ARHGEF10: variants seen among roughly 807,000 people sequenced by gnomAD.
ARHGEF10 encodes the protein Rho guanine nucleotide exchange factor 10, also known as Rho guanine nucleotide exchange factor (GEF) 10.
In ARHGEF10, 140 loss-of-function variants were observed where a neutral mutation model predicts 147.4. That is an observed-to-expected ratio of 0.95 (90% CI 0.83 to 1.09). ARHGEF10 has a LOEUF of 1.09. Ranked by LOEUF, ARHGEF10 falls within the 50% of genes least tolerant of loss-of-function variation. The pLI, the probability that ARHGEF10 is intolerant of heterozygous loss-of-function variation, is 0.00. For missense variants in ARHGEF10, 2,222 were observed against 1,752.7 expected, an observed-to-expected ratio of 1.27 and a Z score of -4.78; for synonymous variants, 902 against 695.8, an observed-to-expected ratio of 1.30 and a Z score of -4.67.
intron 22 of ARHGEF10, 117 bp downstream of exon 22, chr8:1,925,521 A>T: frequency 7.2e-7 from 1 of 1,398,596 alleles, no homozygotes; most frequent in Non-Finnish European, 9.8e-7. Flanking sequence ...CAGGTTCACC[A>T]CAGTGACCGC....
chr8:1,934,985 C>T (rs533316377), intron 26 of ARHGEF10, among the ~76,000 whole-genome samples: 1 of 151,960 alleles, frequency 6.6e-6, no homozygotes, highest in East Asian at 1.9e-4. Flanking sequence ...GTAACCAACC[C>T]AATAGAAGAT....
At position 1,942,011 on chromosome 8, in the gene ARHGEF10, C is replaced by A. The variant is rs1585626578; in HGVS notation, c.3223-3470C>A. Among the ~76,000 whole-genome samples the A allele has an allele frequency of 2.0e-5, 3 of 152,116 alleles. No homozygotes were observed. The East Asian group carries it at 5.8e-4, about 29-fold the overall frequency. ...AATGTAAAAGCTAAAACTATAAACA[C>A]CTTAAAAGAAATTATAGGGGTAAAT... On this transcript the variant is annotated intron_variant, in intron 26 of 28. Transcript: ENST00000349830.
chr8:1,899,077 A>T (rs1034163448), intron 15 of ARHGEF10, among the ~76,000 whole-genome samples: 1 of 152,120 alleles, frequency 6.6e-6, no homozygotes, highest in South Asian at 2.1e-4. Flanking sequence ...CATTTCTCTA[A>T]ACTAAGGATT....
At position 1,888,271 on chromosome 8, in the gene ARHGEF10, CTGTAGGTTCTGAG is replaced by C. The variant is rs1808949539; in HGVS notation, c.1182+2565_1182+2577del. Among the ~76,000 whole-genome samples the C allele has an allele frequency of 4.3e-5, 2 of 46,800 alleles. 1 individual carries two copies. Among genetic ancestry groups the C allele is most frequent in the African/African-American group, 1.7e-4 (2 of 11,830 alleles). 30.7% of individuals were successfully genotyped at this position (46,800 alleles called of 152,430 possible). On this transcript the variant is annotated intron_variant, in intron 11 of 28. Coordinates refer to ENST00000349830, the MANE Select transcript of ARHGEF10 (RefSeq NM_014629.4). ...GGTTGCGAGGAGATGCTGAGTGGGGCTGTAGGTTCTGAGGAGGGGTGGGGTGAGGGTTTGTGAG... is the reference window on the plus strand; with the variant it reads ...GGTTGCGAGGAGATGCTGAGTGGGGCGAGGGGTGGGGTGAGGGTTTGTGAG...
At chr8:1,915,628 G>A (rs1427181984) in intron 18 of ARHGEF10, among the ~76,000 whole-genome samples, 1 of 152,250 alleles carries the variant, frequency 6.6e-6, no homozygotes, top group Non-Finnish European at 1.5e-5. Context: ...CATGCAGGTG[G>A]CTGCCGCCTT....
At chr8:1,905,415 G>A (rs562017135) in intron 16 of ARHGEF10, among the ~76,000 whole-genome samples, 156 bp from the exon 17 acceptor site, 14 of 152,274 alleles carry the variant, frequency 9.2e-5, no homozygotes, top group Non-Finnish European at 1.8e-4. Context: ...GGAAGGAGGC[G>A]GATGTTCAGC....
chr8:1,924,405 C>CTG (rs1048372986), intron 21 of ARHGEF10, among the ~76,000 whole-genome samples: 43 of 152,118 alleles, frequency 2.8e-4, no homozygotes, highest in African/African-American at 9.2e-4. Context: ...ATTTTTTGCT[C>CTG]TGTGTGTGTG....
chr8:1,841,802 A>AG (rs1462399849), intron 1 of ARHGEF10, among the ~76,000 whole-genome samples: 1 of 136,910 alleles, frequency 7.3e-6, no homozygotes, highest in South Asian at 2.4e-4. Context: ...CCTGAAACCT[A>AG]GGAACTGGGG....
At position 1,948,212 on chromosome 8, in the gene ARHGEF10, C is replaced by T. The variant is rs978527363; in HGVS notation, c.3397+2557C>T. On this transcript the variant is annotated intron_variant, in intron 27 of 28. Transcript: ENST00000349830. The surrounding 1 kb of genome is among the most constrained non-coding windows in gnomAD (Gnocchi z 4.9). ...CCCCTGGCGCCCACTCTCCCGGGCC[C>T]CTCCAACATCCTGGGCTGGCTCTCC... is the stretch of plus-strand genomic sequence containing the variant. 1.3e-5 allele frequency among the ~76,000 whole-genome samples: 2 copies of T among 152,164 alleles called. No homozygotes were observed. The highest frequency in any genetic ancestry group is 4.8e-5 in the African/African-American group (2 of 41,452).
At chr8:1,885,574 T>A in intron 10 of ARHGEF10, 27 bp from the exon 11 acceptor site, 1 of 1,472,724 alleles carries the variant, frequency 6.8e-7, no homozygotes, top group Non-Finnish European at 9.5e-7. Flanking sequence ...GAATGTAAAA[T>A]TCATGCATTT....
At chr8:1,909,915 A>C (rs1811234454) in intron 18 of ARHGEF10, among the ~76,000 whole-genome samples, 1 of 152,060 alleles carries the variant, frequency 6.6e-6, no homozygotes, top group South Asian at 2.1e-4. Context: ...TGATGTCTTT[A>C]CTCAGTTTCC....
At chr8:1,897,170 C>G (rs1216303882) in intron 14 of ARHGEF10, among the ~76,000 whole-genome samples, 1 of 152,238 alleles carries the variant, frequency 6.6e-6, no homozygotes, top group Non-Finnish European at 1.5e-5. Flanking sequence ...TGGACTGTTT[C>G]TTGGAAACTG....
At chr8:1,829,042 G>A (rs932825747) in intron 1 of ARHGEF10, among the ~76,000 whole-genome samples, 1 of 152,222 alleles carries the variant, frequency 6.6e-6, no homozygotes, top group African/African-American at 2.4e-5. Flanking sequence ...GGGAGTCCTC[G>A]AGCTTTGGAG....
chr8:1,858,069 C>A lies in ARHGEF10; in HGVS notation c.147C>A (p.Ala49=), dbSNP rs1022974188. 6.2e-7 allele frequency: 1 copy of A among 1,613,824 alleles called. No homozygotes were observed. The highest frequency in any genetic ancestry group is 8.5e-7 in the Non-Finnish European group (1 of 1,179,952). ...AAGCGGACAGACAGGCCCCATCCGC[C>A]CCTGAGACAGGAGGTGCTGGAGCCA... is the stretch of plus-strand genomic sequence containing the variant. ...IPEADRQAPS[A]PETGGAGASE... is the part of the protein sequence containing the mutation. Residue 49 remains alanine, a synonymous_variant, in exon 3 of 29, where the codon GCC becomes GCA. Transcript: ENST00000349830.
rs754440825 is a variant in ARHGEF10 at position 1,903,399 on chromosome 8, G to A, written c.1769G>A (p.Arg590His). Residue 590 changes from arginine to histidine, a missense_variant, in exon 16 of 29, where the codon CGC becomes CAC. By Grantham distance (29) the Arg-to-His change is conservative. Coordinates refer to ENST00000349830, the MANE Select transcript of ARHGEF10 (RefSeq NM_014629.4). ...LNERKRDADQ[R>H]CEVKQIAKAI... is the part of the protein sequence containing the mutation. ...GAAAGAAAGAGAGATGCTGATCAAC[G>A]CTGTGAAGTGAAGCAAATAGCCAAA... 1.1e-5 allele frequency: 18 copies of A among 1,614,088 alleles called. No individual in the cohort carries two copies. The highest frequency in any genetic ancestry group is 6.7e-5 in the Admixed American group (4 of 60,008).
At position 1,934,681 on chromosome 8, in the gene ARHGEF10, C is replaced by T. The variant is rs183237976; in HGVS notation, c.3222+739C>T. Among the ~76,000 whole-genome samples the T allele has an allele frequency of 3.2e-3, 487 of 152,292 alleles. 4 individuals are homozygous for T. The highest frequency in any genetic ancestry group is 0.011 in the African/African-American group (467 of 41,560). On this transcript the variant is annotated intron_variant, in intron 26 of 28. Transcript: ENST00000349830. The stretch of plus-strand genomic sequence containing the variant: ...GCTCTCAAACCCCAGCCCTCTCCTC[C>T]TCTAAACACTCCAGATGGATGGGAC...
At chr8:1,943,470 A>G (rs1194052770) in intron 26 of ARHGEF10, 1 of 152,242 alleles carries the variant, frequency 6.6e-6, no homozygotes, top group African/African-American at 2.4e-5. Flanking sequence ...GGAGGGATCA[A>G]AAACAGACCC....
At chr8:1,835,829 C>G (rs1233305644) in intron 1 of ARHGEF10, among the ~76,000 whole-genome samples, 1 of 152,212 alleles carries the variant, frequency 6.6e-6, no homozygotes, top group Non-Finnish European at 1.5e-5. Context: ...TGAAACGGTC[C>G]TTCAGCCTCG....
chr8:1,917,122 A>C (rs1159656672), intron 18 of ARHGEF10, among the ~76,000 whole-genome samples: 2 of 152,206 alleles, frequency 1.3e-5, no homozygotes, highest in Non-Finnish European at 2.9e-5. Context: ...ACATCCTTAC[A>C]CATTAGTCTG....
Sources: gnomAD v4.1 joint callset for allele counts (sites outside exome capture counted in the v4.1 genomes callset) on GRCh38, gnomAD v4.1.1 for gene constraint, Gnocchi (gnomAD v3.1) non-coding constraint, MANE v1.5 for transcripts, NCBI Gene and HGNC (gene_info 2026-07-23, HGNC 2026-07-21) for gene names.